TOX3: variants seen among roughly 807,000 people sequenced by gnomAD.
TOX3 encodes TOX high mobility group box family member 3.
TOX3 carries 22 observed loss-of-function variants against 64.3 expected under a neutral mutation model. The observed-to-expected ratio is 0.34, with a 90% CI of 0.24 to 0.49. The LOEUF (loss-of-function observed/expected upper bound fraction) is 0.49, where lower values mean the gene tolerates loss of function less well. Ranked by LOEUF, TOX3 falls within the 20% of genes least tolerant of loss-of-function variation. The pLI, the probability that TOX3 is intolerant of heterozygous loss-of-function variation, is 0.99. For synonymous variants in TOX3, 291 were observed against 273.6 expected (o/e 1.06, Z -0.63); for missense variants, 661 against 714.4 (o/e 0.93, Z 0.85).
intron 1 of TOX3, among the ~76,000 whole-genome samples, chr16:52,535,926 T>G (rs1962935973): frequency 6.6e-6 from 1 of 152,238 alleles, no homozygotes; most frequent in South Asian, 2.1e-4. Flanking sequence ...GTAGTCCAAC[T>G]CCTTGAAAAT....
rs34933798 is a variant in TOX3 at position 52,446,679 on chromosome 16, ATT to A, written c.679-460_679-459del. On this transcript the variant is annotated intron_variant, in intron 4 of 6. Coordinates refer to ENST00000219746, the MANE Select transcript of TOX3 (RefSeq NM_001080430.4). ...CCATATGTGTGATCTGTCTGAATTG[ATT>A]TTTTTTTTTGAGGCTGATTTTTTAA... 8.4e-3 allele frequency among the ~76,000 whole-genome samples: 1,269 copies of A among 150,874 alleles called. 16 individuals are homozygous for A. Among genetic ancestry groups the A allele is most frequent in the African/African-American group, 0.029 (1,190 of 41,182 alleles).
At chr16:52,472,121 T>C (rs1239388160) in intron 1 of TOX3, among the ~76,000 whole-genome samples, 1 of 152,178 alleles carries the variant, frequency 6.6e-6, no homozygotes, top group Non-Finnish European at 1.5e-5. Flanking sequence ...TGACTTCCCT[T>C]TGATGAGTCA....
chr16:52,504,466 C>CAAA (rs71141197), intron 1 of TOX3, among the ~76,000 whole-genome samples: 2,490 of 93,764 alleles, frequency 0.027, 65 homozygotes, highest in Non-Finnish European at 0.034. Context: ...GACTCCGTCT[C>CAAA]AAAAAAAAAA....
chr16:52,464,575 GCA>G (rs145297267), intron 2 of TOX3, among the ~76,000 whole-genome samples: 9 of 150,544 alleles, frequency 6.0e-5, no homozygotes, highest in Non-Finnish European at 5.9e-5. Flanking sequence ...TTTGTGGCAT[GCA>G]CACACACACA....
At chr16:52,480,176 C>A (rs1000576560) in intron 1 of TOX3, among the ~76,000 whole-genome samples, 4 of 152,198 alleles carry the variant, frequency 2.6e-5, no homozygotes, top group Non-Finnish European at 5.9e-5. Context: ...CCCAGGGAGG[C>A]TTGCACTTGG....
At chr16:52,524,783 T>C (rs1347584418) in intron 1 of TOX3, among the ~76,000 whole-genome samples, 1 of 152,088 alleles carries the variant, frequency 6.6e-6, no homozygotes. Context: ...GCAAGACCTT[T>C]CAAAATCTGG....
intron 1 of TOX3, among the ~76,000 whole-genome samples, chr16:52,504,199 G>T (rs2151466587): frequency 6.6e-6 from 1 of 152,112 alleles, no homozygotes; most frequent in Non-Finnish European, 1.5e-5. Context: ...AGGCGCGGTG[G>T]CTCACACCTA....
At chr16:52,496,614 G>A (rs1336662066) in intron 1 of TOX3, among the ~76,000 whole-genome samples, 4 of 152,222 alleles carry the variant, frequency 2.6e-5, no homozygotes, top group African/African-American at 7.2e-5. Flanking sequence ...TTGTTCAGCT[G>A]CACAAACAGA....
At chr16:52,546,611 C>G (rs1172265163) in intron 1 of TOX3, 26 bp downstream of exon 1, 4 of 1,531,224 alleles carry the variant, frequency 2.6e-6, no homozygotes, top group East Asian at 4.9e-5. Flanking sequence ...CCCCCGCCCC[C>G]CGGCCCACCG....
chr16:52,518,724 A>G (rs760763161), intron 1 of TOX3, among the ~76,000 whole-genome samples: 1 of 152,214 alleles, frequency 6.6e-6, no homozygotes, highest in Non-Finnish European at 1.5e-5. Flanking sequence ...CCTCATAGTA[A>G]TTTGGAATTG....
intron 2 of TOX3, among the ~76,000 whole-genome samples, chr16:52,467,459 T>C (rs1474526907): frequency 6.6e-6 from 1 of 152,202 alleles, no homozygotes; most frequent in Non-Finnish European, 1.5e-5. Flanking sequence ...ATTCTAATAA[T>C]TTCTCAAAGT....
At chr16:52,446,896 G>A (rs916374526) in intron 4 of TOX3, among the ~76,000 whole-genome samples, 2 of 152,036 alleles carry the variant, frequency 1.3e-5, no homozygotes, top group Admixed American at 6.6e-5. Context: ...GATACTCTCC[G>A]TAAAATTAAA....
intron 1 of TOX3, among the ~76,000 whole-genome samples, chr16:52,490,789 C>T (rs190516689): frequency 6.6e-6 from 1 of 151,872 alleles, no homozygotes; most frequent in Admixed American, 6.6e-5. Context: ...ACCATCACAC[C>T]CAGCTAATTT....
At chr16:52,452,124 A>G (rs1960369052) in intron 3 of TOX3, among the ~76,000 whole-genome samples, 1 of 152,230 alleles carries the variant, frequency 6.6e-6, no homozygotes, top group African/African-American at 2.4e-5. Flanking sequence ...AAGTTAAAAA[A>G]TAACTATACA....
intron 3 of TOX3, among the ~76,000 whole-genome samples, chr16:52,454,240 CA>C (rs746721405): frequency 0.037 from 5,216 of 139,136 alleles, 193 homozygotes; most frequent in African/African-American, 0.11. Flanking sequence ...TATTTCATTA[CA>C]AAAAAAAAAA....
At chr16:52,465,306 GC>G (rs539051738) in intron 2 of TOX3, among the ~76,000 whole-genome samples, 139 of 151,818 alleles carry the variant, frequency 9.2e-4, no homozygotes, top group African/African-American at 3.2e-3. Context: ...GAGCCACCGT[GC>G]CCAGCCAATA....
intron 1 of TOX3, among the ~76,000 whole-genome samples, chr16:52,518,279 T>C (rs1010250469): frequency 8.5e-5 from 13 of 152,216 alleles, no homozygotes; most frequent in African/African-American, 2.7e-4. Context: ...TACAGTACAC[T>C]GCACTCCCAC....
intron 1 of TOX3, chr16:52,519,302 A>G (rs1209673526): frequency 8.9e-6 from 10 of 1,120,524 alleles, no homozygotes; most frequent in Non-Finnish European, 1.2e-5. Flanking sequence ...TTCTTAAACT[A>G]GAAATGTAAG....
chr16:52,510,778 A>AAAAAAG (rs574634087), intron 1 of TOX3, among the ~76,000 whole-genome samples: 23,155 of 112,736 alleles, frequency 0.21, 2,947 homozygotes, highest in East Asian at 0.27. Flanking sequence ...AAAAAAAAAA[A>AAAAAAG]AAGAAGAAGA....
Sources: gnomAD v4.1 joint callset for allele counts (sites outside exome capture counted in the v4.1 genomes callset) on GRCh38, gnomAD v4.1.1 for gene constraint, MANE v1.5 for transcripts, NCBI Gene and HGNC (gene_info 2026-07-23, HGNC 2026-07-21) for gene names.